Variants in ADORA2B observed in about 807,000 individuals in gnomAD.
ADORA2B encodes the protein adenosine A2b receptor.
In ADORA2B, 18 loss-of-function variants were observed where a neutral mutation model predicts 20.8. The observed-to-expected ratio is 0.87, with a 90% CI of 0.60 to 1.29. The LOEUF (loss-of-function observed/expected upper bound fraction) is 1.29, where lower values mean the gene tolerates loss of function less well. ADORA2B is among the 50% of genes most tolerant of loss of function. The probability of loss-of-function intolerance (pLI) is 0.00; values close to 1 mark genes in which losing one functional copy is unlikely to be tolerated. For missense variants in ADORA2B, 441 were observed against 422.7 expected (o/e 1.04, Z -0.38); for synonymous variants, 179 against 178.3 (o/e 1.00, Z -0.03).
chr17:15,887,764 G>C, the ADORA2B span, among the ~76,000 whole-genome samples: 5 of 124,310 alleles, frequency 4.0e-5, no homozygotes, highest in African/African-American at 7.0e-5. Context: ...TGGCTAACAC[G>C]GTGAAACCAC....
the ADORA2B span, among the ~76,000 whole-genome samples, chr17:15,858,019 C>G: frequency 1.4e-4 from 20 of 141,458 alleles, 1 homozygote; most frequent in African/African-American, 5.0e-4. Context: ...GTGGTGGACA[C>G]TTGGGTTGCA....
At chr17:15,883,952 T>C in the ADORA2B span, among the ~76,000 whole-genome samples, 1 of 152,214 alleles carries the variant, frequency 6.6e-6, no homozygotes, top group Non-Finnish European at 1.5e-5. Flanking sequence ...CGACATTGTC[T>C]AAGTGCATTT....
At chr17:15,943,937 A>T (rs1455915200), upstream of ADORA2B, among the ~76,000 whole-genome samples, 1 of 152,168 alleles carries the variant, frequency 6.6e-6, no homozygotes, top group Non-Finnish European at 1.5e-5. Flanking sequence ...GGAGTGCTCT[A>T]GAACAATGGT....
chr17:15,934,279 A>C, the ADORA2B span, among the ~76,000 whole-genome samples: 2 of 152,126 alleles, frequency 1.3e-5, no homozygotes, highest in Non-Finnish European at 2.9e-5. Flanking sequence ...CCCAGGTTGC[A>C]GTTCAGTGGC....
the ADORA2B span, among the ~76,000 whole-genome samples, chr17:15,862,744 A>G: frequency 6.6e-6 from 1 of 151,978 alleles, no homozygotes; most frequent in Non-Finnish European, 1.5e-5. Flanking sequence ...GCTCATTCAT[A>G]TACAATATGA....
chr17:15,896,725 T>G, the ADORA2B span, among the ~76,000 whole-genome samples: 1 of 152,216 alleles, frequency 6.6e-6, no homozygotes, highest in Non-Finnish European at 1.5e-5. Flanking sequence ...CCATACTTGT[T>G]CCTGTGTGGC....
the ADORA2B span, among the ~76,000 whole-genome samples, chr17:15,878,299 A>G: frequency 2.0e-5 from 3 of 151,986 alleles, no homozygotes; most frequent in Non-Finnish European, 2.9e-5. Context: ...GAACTACCTG[A>G]TAGTCCTAGG....
At chr17:15,936,079 G>A in the ADORA2B span, among the ~76,000 whole-genome samples, 1 of 151,908 alleles carries the variant, frequency 6.6e-6, no homozygotes, top group African/African-American at 2.4e-5. Flanking sequence ...GTTTCAACAT[G>A]TTGGTCAGGC....
intron 1 of ADORA2B, among the ~76,000 whole-genome samples, chr17:15,972,909 A>G (rs2099530131): frequency 6.6e-6 from 1 of 152,144 alleles, no homozygotes; most frequent in African/African-American, 2.4e-5. Flanking sequence ...ACAGATATAC[A>G]CCACCGTGCC....
At chr17:15,862,697 C>T in the ADORA2B span, among the ~76,000 whole-genome samples, 15 of 152,146 alleles carry the variant, frequency 9.9e-5, no homozygotes, top group African/African-American at 3.1e-4. Context: ...GTGCAACACA[C>T]ATAACATTTC....
At chr17:15,888,078 T>C in the ADORA2B span, among the ~76,000 whole-genome samples, 98 of 122,832 alleles carry the variant, frequency 8.0e-4, 23 homozygotes, top group Non-Finnish European at 1.3e-3. Context: ...AGAATCAGAA[T>C]TGGAAAAGAA....
chr17:15,945,170 T>G lies in ADORA2B; in HGVS notation c.-79T>G. On this transcript the variant is annotated 5_prime_UTR_variant, in exon 1 of 2. An upstream start codon of the reference 5' UTR is lost. Coordinates refer to ENST00000304222, the MANE Select transcript of ADORA2B (RefSeq NM_000676.4). ...AGGCGCGGTCCGGGCGCTATGGCCA[T>G]GCCCGGCGGGTCTCACGCGGCTGCC... is the stretch of plus-strand genomic sequence containing the variant. 1 of 1,260,388 alleles carries G rather than the reference T, an allele frequency of 7.9e-7. No individual in the cohort carries two copies. The highest frequency in any genetic ancestry group is 4.0e-5 in the Admixed American group (1 of 25,132). 78.1% of individuals were successfully genotyped at this position (1,260,388 alleles called of 1,614,324 possible).
chr17:15,891,212 G>C, the ADORA2B span, among the ~76,000 whole-genome samples: 1 of 152,216 alleles, frequency 6.6e-6, no homozygotes, highest in African/African-American at 2.4e-5. Flanking sequence ...GTTTCAGTGA[G>C]CTGAGATTGC....
At chr17:15,933,772 G>A in the ADORA2B span, among the ~76,000 whole-genome samples, 6 of 145,194 alleles carry the variant, frequency 4.1e-5, no homozygotes, top group African/African-American at 1.6e-4. Context: ...ATATATGTGT[G>A]TGTATATATA....
the ADORA2B span, among the ~76,000 whole-genome samples, chr17:15,884,928 A>G: frequency 1.3e-5 from 2 of 152,160 alleles, no homozygotes; most frequent in Non-Finnish European, 2.9e-5. Flanking sequence ...TCTTTTGGGT[A>G]TATGCCCAGA....
chr17:15,971,734 G>A (rs1005841459), intron 1 of ADORA2B, among the ~76,000 whole-genome samples: 8 of 151,290 alleles, frequency 5.3e-5, no homozygotes, highest in Non-Finnish European at 7.4e-5. Flanking sequence ...CCAGGTTCAG[G>A]CAATTCTCCT....
chr17:15,853,332 A>G, the ADORA2B span, among the ~76,000 whole-genome samples: 1 of 152,244 alleles, frequency 6.6e-6, no homozygotes, highest in Non-Finnish European at 1.5e-5. Context: ...TTTCTTTTTT[A>G]CCAGTGTACT....
the ADORA2B span, among the ~76,000 whole-genome samples, chr17:15,898,099 A>G: frequency 6.6e-6 from 1 of 152,184 alleles, no homozygotes; most frequent in Non-Finnish European, 1.5e-5. Context: ...GAATTTAAAA[A>G]GGAGTGAGGA....
chr17:15,919,120 G>T, the ADORA2B span, among the ~76,000 whole-genome samples: 1 of 152,206 alleles, frequency 6.6e-6, no homozygotes, highest in Admixed American at 6.5e-5. Context: ...CAGATGCAGT[G>T]TGACCTCCTC....
Sources: allele counts gnomAD v4.1 joint callset (sites outside exome capture counted in the v4.1 genomes callset), GRCh38; gene constraint gnomAD v4.1.1; transcripts MANE v1.5; gene names NCBI Gene and HGNC (gene_info 2026-07-23, HGNC 2026-07-21).